The following GALK2 variants were observed in gnomAD, a reference collection of about 807,000 sequenced individuals.
The protein encoded by GALK2 is galactokinase 2.
GALK2 carries 36 observed loss-of-function variants against 52.4 expected under a neutral mutation model. The observed-to-expected ratio is 0.69, with a 90% CI of 0.53 to 0.91. The LOEUF is 0.91. GALK2 is among the 40% of genes least tolerant of loss of function. The pLI, the probability that GALK2 is intolerant of heterozygous loss-of-function variation, is 0.00. For missense variants in GALK2, 579 were observed against 559.1 expected, an observed-to-expected ratio of 1.04 and a Z score of -0.36; for synonymous variants, 176 against 199.1, an observed-to-expected ratio of 0.88 and a Z score of 0.98.
At chr15:49,190,350 CTGTTAA>C (rs1441324368) in intron 1 of GALK2, among the ~76,000 whole-genome samples, 1 of 152,082 alleles carries the variant, frequency 6.6e-6, no homozygotes, top group Non-Finnish European at 1.5e-5. Flanking sequence ...TGCCCCCTGG[CTGTTAA>C]TGTTTTCAAT....
At chr15:49,217,125 ACTTT>A in intron 2 of GALK2, 61 bp from the exon 3 acceptor site, 1 of 1,455,428 alleles carries the variant, frequency 6.9e-7, no homozygotes, top group East Asian at 2.3e-5. Flanking sequence ...CTGTATGTAA[ACTTT>A]CTTGAGGTGC....
intron 7 of GALK2, among the ~76,000 whole-genome samples, chr15:49,289,379 G>T (rs1467763745): frequency 6.6e-6 from 1 of 152,212 alleles, no homozygotes; most frequent in Non-Finnish European, 1.5e-5. Context: ...AGGCAGGATG[G>T]ACTAGAAGTT....
downstream of GALK2, among the ~76,000 whole-genome samples, chr15:49,336,524 C>T (rs568050473): frequency 2.6e-5 from 4 of 152,232 alleles, no homozygotes; most frequent in Admixed American, 6.5e-5. Context: ...GCCCCACTCC[C>T]ATTGTGAAAC....
intron 1 of GALK2, among the ~76,000 whole-genome samples, chr15:49,171,312 G>A (rs556433038): frequency 2.6e-5 from 4 of 152,004 alleles, no homozygotes; most frequent in Non-Finnish European, 5.9e-5. Context: ...GAGCTCCTGA[G>A]CTCAAGTGAT....
chr15:49,265,136 G>T (rs1433830462), intron 5 of GALK2, among the ~76,000 whole-genome samples: 1 of 152,200 alleles, frequency 6.6e-6, no homozygotes, highest in Non-Finnish European at 1.5e-5. Context: ...AGTCTGCAGA[G>T]GTTACTGCTG....
intron 3 of GALK2, 91 bp downstream of exon 3, chr15:49,217,404 C>A: frequency 8.3e-7 from 1 of 1,208,620 alleles, no homozygotes; most frequent in Non-Finnish European, 1.1e-6. Flanking sequence ...TGTAACAGGT[C>A]ATTTAACTTA....
chr15:49,240,171 T>C (rs779525478), intron 5 of GALK2, among the ~76,000 whole-genome samples: 11 of 152,196 alleles, frequency 7.2e-5, no homozygotes, highest in Non-Finnish European at 1.3e-4. Context: ...TTTTTAGCTG[T>C]CCTGTGTAAG....
chr15:49,180,189 A>G (rs982746065), intron 1 of GALK2, among the ~76,000 whole-genome samples: 3 of 152,160 alleles, frequency 2.0e-5, no homozygotes, highest in Non-Finnish European at 4.4e-5. Flanking sequence ...TGCTGTTAGC[A>G]CTTCATGTTA....
intron 1 of GALK2, among the ~76,000 whole-genome samples, chr15:49,172,092 T>A (rs2085142065): frequency 6.6e-6 from 1 of 152,162 alleles, no homozygotes. Flanking sequence ...ATCTTCTACA[T>A]AAAACATACC....
intron 1 of GALK2, among the ~76,000 whole-genome samples, chr15:49,199,910 A>C (rs142685562): frequency 6.8e-4 from 104 of 152,330 alleles, no homozygotes; most frequent in African/African-American, 2.5e-3. Context: ...GTTTCTGATG[A>C]CTATTCAATT....
chr15:49,167,052 T>TA (rs1221677610), upstream of GALK2, among the ~76,000 whole-genome samples: 2 of 152,238 alleles, frequency 1.3e-5, no homozygotes, highest in East Asian at 3.8e-4. Flanking sequence ...TGTAAGTCTC[T>TA]AACACCCATG....
chr15:49,299,625 A>G (rs1009453980), intron 8 of GALK2, among the ~76,000 whole-genome samples: 12 of 152,070 alleles, frequency 7.9e-5, no homozygotes, highest in African/African-American at 2.9e-4. Context: ...TTGCCTTAAT[A>G]TCCTTCTTTA....
chr15:49,355,954 G>T (rs982297494), intron 3 of GALK2, among the ~76,000 whole-genome samples: 1 of 151,380 alleles, frequency 6.6e-6, no homozygotes, highest in African/African-American at 2.4e-5. Flanking sequence ...TTAAAGAAAA[G>T]AATTTTCAAC....
At chr15:49,232,190 T>G (rs1015226513) in intron 3 of GALK2, among the ~76,000 whole-genome samples, 4 of 152,220 alleles carry the variant, frequency 2.6e-5, no homozygotes, top group African/African-American at 9.6e-5. Flanking sequence ...ACTCTTGCAC[T>G]CTGAACATTG....
In GALK2 at chr15:49,299,770, T is replaced by TC. The variant is rs1567037649; in HGVS notation, c.967+7234dup. ...TTCTTTCTTTCTTTCTTTCTTTCTT[T>TC]CTTTCTTTCTTTCTTTCTTTCTTTC... On this transcript the variant is annotated intron_variant, in intron 8 of 9. Transcript: ENST00000560031. Among the ~76,000 whole-genome samples the TC allele has an allele frequency of 2.6e-3, 368 of 143,468 alleles. 5 individuals carry two copies. The highest frequency in any genetic ancestry group is 0.01 in the Middle Eastern group (3 of 286). The allele number at this position is 143,468 out of a possible 152,430, so 94.1% of individuals were successfully genotyped here.
rs543179002 is a variant in GALK2, at chr15:49,242,692, A to G, written c.504+3325A>G. Among the ~76,000 whole-genome samples the G allele has an allele frequency of 2.6e-5, 4 of 152,354 alleles. No homozygotes were observed. In the South Asian group the frequency reaches 8.3e-4, roughly 32 times the overall value. On this transcript the variant is annotated intron_variant, in intron 5 of 9. Transcript: ENST00000560031. ...GTTGCATATCTGAAACCAGAAAACA[A>G]TATGGCTAATCACCCAGAGAATCTG... is the stretch of plus-strand genomic sequence containing the variant.
At chr15:49,195,596 T>G (rs956290048) in intron 1 of GALK2, among the ~76,000 whole-genome samples, 2 of 152,230 alleles carry the variant, frequency 1.3e-5, no homozygotes, top group Non-Finnish European at 1.5e-5. Context: ...AATTCTTTTA[T>G]TATTCAAGTT....
At chr15:49,161,092 A>G (rs1367733900) in intron 1 of GALK2, among the ~76,000 whole-genome samples, 1 of 152,244 alleles carries the variant, frequency 6.6e-6, no homozygotes, top group East Asian at 1.9e-4. Context: ...GATCACATAT[A>G]TGAAACTGCA....
At chr15:49,321,922 T>C (rs926186108) in intron 9 of GALK2, among the ~76,000 whole-genome samples, 1 of 152,194 alleles carries the variant, frequency 6.6e-6, no homozygotes, top group Non-Finnish European at 1.5e-5. Context: ...AGCAGGAACG[T>C]AATGTGTAGA....
Sources: allele counts gnomAD v4.1 joint callset (sites outside exome capture counted in the v4.1 genomes callset), GRCh38; gene constraint gnomAD v4.1.1; transcripts MANE v1.5; gene names NCBI Gene and HGNC (gene_info 2026-07-23, HGNC 2026-07-21).